JMJD1C: variants seen among roughly 807,000 people sequenced by gnomAD.
JMJD1C encodes the protein jumonji domain containing 1C, also known as jumonji domain-containing protein 1C.
JMJD1C carries 31 observed loss-of-function variants against 245.3 expected under a neutral mutation model. That is an observed-to-expected ratio of 0.13 (90% confidence interval 0.09 to 0.17). The LOEUF (loss-of-function observed/expected upper bound fraction) is 0.17. Among genes scored for constraint, JMJD1C ranks in the 10% least tolerant of loss-of-function variants. JMJD1C has a pLI of 1.00. For missense variants in JMJD1C, 2,691 were observed against 3,000.2 expected (o/e 0.90, Z 2.41); for synonymous variants, 1,057 against 1,017.4 (o/e 1.04, Z -0.74).
At chr10:63,184,557 T>A (rs10740107) in intron 21 of JMJD1C, 51 bp downstream of exon 21, 1,276,435 of 1,533,872 alleles carry the variant, frequency 0.83, 533,848 homozygotes, top group Non-Finnish European at 0.85. Context: ...GCAAAAATTT[T>A]AAAAAATCCA....
intron 1 of JMJD1C, among the ~76,000 whole-genome samples, chr10:63,409,702 T>C (rs1037827210): frequency 2.6e-5 from 4 of 152,154 alleles, no homozygotes; most frequent in African/African-American, 4.8e-5. Flanking sequence ...TTCACTTAGA[T>C]TGTACACCTA....
At chr10:63,224,575 T>C (rs887647134) in intron 3 of JMJD1C, among the ~76,000 whole-genome samples, 4 of 152,158 alleles carry the variant, frequency 2.6e-5, no homozygotes, top group Non-Finnish European at 5.9e-5. Flanking sequence ...CAAAGCCAAA[T>C]AGGTTTTTTA....
At chr10:63,341,185 T>C (rs1348772833) in intron 2 of JMJD1C, among the ~76,000 whole-genome samples, 2 of 152,152 alleles carry the variant, frequency 1.3e-5, no homozygotes, top group Non-Finnish European at 2.9e-5. Flanking sequence ...AATAGGTGGG[T>C]TGCACAAATT....
At chr10:63,222,193 G>C in intron 3 of JMJD1C, 2 of 755,448 alleles carry the variant, frequency 2.6e-6, no homozygotes, top group Non-Finnish European at 5.0e-6. Flanking sequence ...TTATCAACTT[G>C]ACTGACACCA....
At chr10:63,258,516 C>T (rs183126197) in intron 3 of JMJD1C, among the ~76,000 whole-genome samples, 323 of 152,328 alleles carry the variant, frequency 2.1e-3, no homozygotes, top group Non-Finnish European at 3.5e-3. Context: ...CATAAACTCT[C>T]TTCTTTAGCT....
intron 22 of JMJD1C, 145 bp from the exon 23 acceptor site, chr10:63,178,001 C>T: frequency 2.6e-6 from 2 of 763,550 alleles, no homozygotes; most frequent in Admixed American, 2.9e-5. Context: ...AGTGCAGTGG[C>T]ATGATCTTGG....
chr10:63,380,531 A>G (rs778169659), intron 1 of JMJD1C, 49 bp from the exon 2 acceptor site: 15 of 1,471,204 alleles, frequency 1.0e-5, no homozygotes, highest in East Asian at 2.3e-5. Flanking sequence ...GAAGAGTGGT[A>G]TATCTTTTTT....
intron 3 of JMJD1C, among the ~76,000 whole-genome samples, chr10:63,223,820 C>G (rs186064801): frequency 6.6e-6 from 1 of 152,192 alleles, no homozygotes; most frequent in Admixed American, 6.5e-5. Flanking sequence ...GTGGTGCAAT[C>G]TCGGTTCACT....
intron 1 of JMJD1C, among the ~76,000 whole-genome samples, chr10:63,456,004 G>A (rs559101244): frequency 5.9e-5 from 9 of 152,090 alleles, no homozygotes; most frequent in Admixed American, 2.0e-4. Flanking sequence ...GTAGTTCAAA[G>A]GGTCTTAATA....
chr10:63,171,434 G>T (rs1842346716), intron 24 of JMJD1C, among the ~76,000 whole-genome samples: 1 of 152,194 alleles, frequency 6.6e-6, no homozygotes, highest in Admixed American at 6.5e-5. Flanking sequence ...CAGCTTCCTT[G>T]AACAGACAGC....
At chr10:63,427,643 T>C (rs916946501) in intron 1 of JMJD1C, 6 of 1,340,464 alleles carry the variant, frequency 4.5e-6, no homozygotes, top group Non-Finnish European at 5.3e-6. Context: ...GTTTACTGTA[T>C]GAACTCTAAC....
At chr10:63,270,932 C>A (rs553561931) in intron 2 of JMJD1C, among the ~76,000 whole-genome samples, 2 of 152,174 alleles carry the variant, frequency 1.3e-5, no homozygotes, top group South Asian at 4.1e-4. Flanking sequence ...TAAATTTTAA[C>A]CTTTAGAGCA....
At chr10:63,430,580 C>T (rs1235014664) in intron 1 of JMJD1C, among the ~76,000 whole-genome samples, 1 of 152,088 alleles carries the variant, frequency 6.6e-6, no homozygotes, top group Non-Finnish European at 1.5e-5. Flanking sequence ...TGCCAAAGGG[C>T]TGGAAGTGGC....
At chr10:63,192,745 C>A (rs965335637) in intron 16 of JMJD1C, among the ~76,000 whole-genome samples, 193 bp downstream of exon 16, 2 of 151,882 alleles carry the variant, frequency 1.3e-5, no homozygotes, top group African/African-American at 4.8e-5. Context: ...ACAAAAACAA[C>A]AAAAAAACAA....
At chr10:63,297,616 G>A (rs1859601122) in intron 2 of JMJD1C, among the ~76,000 whole-genome samples, 1 of 152,158 alleles carries the variant, frequency 6.6e-6, no homozygotes, top group African/African-American at 2.4e-5. Flanking sequence ...GTGAAGAGTG[G>A]TGAACTTTCT....
intron 1 of JMJD1C, among the ~76,000 whole-genome samples, chr10:63,516,760 TG>T (rs1444350190): frequency 6.6e-6 from 1 of 152,238 alleles, no homozygotes; most frequent in Non-Finnish European, 1.5e-5. Context: ...TTTTACTTTT[TG>T]TGTTGTCAGC....
chr10:63,498,357 T>C (rs1954426315), intron 1 of JMJD1C, among the ~76,000 whole-genome samples: 1 of 152,150 alleles, frequency 6.6e-6, no homozygotes, highest in Non-Finnish European at 1.5e-5. Context: ...GCTTTACATA[T>C]TTGAAAACAA....
intron 2 of JMJD1C, among the ~76,000 whole-genome samples, chr10:63,292,837 G>A (rs1281639217): frequency 2.0e-5 from 3 of 152,062 alleles, no homozygotes; most frequent in Non-Finnish European, 4.4e-5. Context: ...CTGAGGTCAG[G>A]AGTTAGAGAC....
chr10:63,214,692 T>TCCATGGTATGTG lies in JMJD1C; in HGVS notation c.1463_1474dup (p.Met491_Glu492insAlaHisThrMet), dbSNP rs1258199755. On this transcript the variant is annotated inframe_insertion, in exon 8 of 26. Coordinates refer to ENST00000399262, the MANE Select transcript of JMJD1C (RefSeq NM_032776.3). ...TACAAACTTCTCCTTTGGTAGCAAT[T>TCCATGGTATGTG]CCATGGTATGTGTTTTATCCATATT... 3.1e-6 allele frequency: 5 copies of TCCATGGTATGTG among 1,613,958 alleles called. No homozygotes were observed. Among genetic ancestry groups the TCCATGGTATGTG allele is most frequent in the Non-Finnish European group, 4.2e-6 (5 of 1,179,872 alleles).
Sources: gnomAD v4.1 joint callset for allele counts (sites outside exome capture counted in the v4.1 genomes callset) on GRCh38, gnomAD v4.1.1 for gene constraint, MANE v1.5 for transcripts, NCBI Gene and HGNC (gene_info 2026-07-23, HGNC 2026-07-21) for gene names.